Variants in IQGAP2 observed in about 807,000 individuals in gnomAD.
IQGAP2 encodes ras GTPase-activating-like protein IQGAP2.
A neutral mutation model predicts 201.3 loss-of-function variants in IQGAP2; 173 were observed. That is an observed-to-expected ratio of 0.86 (90% CI 0.76 to 0.98). The LOEUF (loss-of-function observed/expected upper bound fraction) is 0.98, where lower values mean the gene tolerates loss of function less well. Among genes scored for constraint, IQGAP2 ranks in the 50% least tolerant of loss-of-function variants. The probability of loss-of-function intolerance (pLI) is 0.00; values close to 1 mark genes in which losing one functional copy is unlikely to be tolerated. For missense variants in IQGAP2, 1,687 were observed against 1,864.8 expected (o/e 0.90, Z 1.76); for synonymous variants, 675 against 673.9 (o/e 1.00, Z -0.03).
intron 1 of IQGAP2, among the ~76,000 whole-genome samples, chr5:76,420,943 C>T (rs1751699857): frequency 6.6e-6 from 1 of 152,184 alleles, no homozygotes; most frequent in African/African-American, 2.4e-5. Context: ...ATTGTAGGTA[C>T]AGGCCACATT....
rs770794561 is a variant in IQGAP2 at position 76,604,169 on chromosome 5, CCCCT to C, written c.1233-2005_1233-2002del. 5.9e-5 allele frequency among the ~76,000 whole-genome samples: 9 copies of C among 152,048 alleles called. No individual in the cohort carries two copies. The East Asian group carries it at 1.5e-3, about 26-fold the overall frequency. On this transcript the variant is annotated intron_variant, in intron 11 of 35. Transcript: ENST00000274364. ...ACATGCCTCGGTGTATGTTGTTGTT[CCCCT>C]CCCTGTGACCACATGTTCTCATTGT... is the stretch of plus-strand genomic sequence containing the variant.
chr5:76,459,742 G>A (rs758865012), intron 1 of IQGAP2, among the ~76,000 whole-genome samples: 2 of 152,058 alleles, frequency 1.3e-5, no homozygotes, highest in African/African-American at 4.8e-5. Context: ...GGGTTGAAGC[G>A]ATTCTCCTGC....
intron 2 of IQGAP2, among the ~76,000 whole-genome samples, chr5:76,539,090 C>T (rs1178979517): frequency 6.6e-6 from 1 of 152,190 alleles, no homozygotes; most frequent in African/African-American, 2.4e-5. Flanking sequence ...CCCCATCAGG[C>T]TTCAACTCCT....
At chr5:76,529,447 G>A (rs2150204886) in intron 2 of IQGAP2, among the ~76,000 whole-genome samples, 1 of 152,098 alleles carries the variant, frequency 6.6e-6, no homozygotes, top group Middle Eastern at 3.4e-3. Flanking sequence ...GGCCAACATG[G>A]TGAAACCCCA....
chr5:76,422,586 A>G (rs1751785649), intron 1 of IQGAP2, among the ~76,000 whole-genome samples: 1 of 152,240 alleles, frequency 6.6e-6, no homozygotes. Context: ...AGGAGAGCCT[A>G]GTAAATTTTG....
intron 1 of IQGAP2, among the ~76,000 whole-genome samples, chr5:76,404,187 C>A (rs546190829): frequency 6.6e-6 from 1 of 152,170 alleles, no homozygotes; most frequent in Non-Finnish European, 1.5e-5. Flanking sequence ...CCTTTCCCCC[C>A]CGCTCCCCTC....
rs561067947 is a variant in IQGAP2 at position 76,577,618 on chromosome 5, T to A, written c.458+1849T>A. 2.8e-3 allele frequency among the ~76,000 whole-genome samples: 434 copies of A among 152,348 alleles called. 4 individuals are homozygous for A. The highest frequency in any genetic ancestry group is 0.01 in the African/African-American group (418 of 41,580). ...CTATGGAGCCGAGAAGTCCCAAGTG[T>A]ATCTTGCAGCTTTTTCCACCAAAAC... On this transcript the variant is annotated intron_variant, in intron 5 of 35. Coordinates refer to ENST00000274364, the MANE Select transcript of IQGAP2 (RefSeq NM_006633.5).
chr5:76,570,698 G>A (rs1173804656), intron 4 of IQGAP2, 41 bp downstream of exon 4: 6 of 1,304,340 alleles, frequency 4.6e-6, no homozygotes, highest in Non-Finnish European at 6.7e-6. Context: ...GAAAGGCAAA[G>A]GGGTAGTACA....
intron 5 of IQGAP2, among the ~76,000 whole-genome samples, chr5:76,586,357 A>G: frequency 6.6e-6 from 1 of 152,222 alleles, no homozygotes. Context: ...GTAAAAAAAA[A>G]AAAAATGTTC....
At chr5:76,463,074 G>C (rs562314670) in intron 2 of IQGAP2, among the ~76,000 whole-genome samples, 1 of 139,704 alleles carries the variant, frequency 7.2e-6, no homozygotes, top group African/African-American at 2.7e-5. Flanking sequence ...AGTGAGCTGA[G>C]ATCGGGCTGC....
rs199507670 is a variant in IQGAP2 at position 76,600,827 on chromosome 5, G to A, written c.1087G>A (p.Glu363Lys). Residue 363 changes from glutamate to lysine, a missense_variant, in exon 11 of 36, where the codon GAG becomes AAG. Physicochemically the swap from Glu to Lys is moderately conservative, Grantham distance 56. Transcript: ENST00000274364. ...KQNTMNYLAH[E>K]ELLIAVEMLS... Reference sequence around the variant, plus strand: ...TTTCCAACAGAACTACTTGGCCCACGAGGAGCTTTTGATTGCTGTGGAAAT... The same window carrying A: ...TTTCCAACAGAACTACTTGGCCCACAAGGAGCTTTTGATTGCTGTGGAAAT... The A allele has an allele frequency of 1.9e-5, 31 of 1,614,072 alleles. No individual in the cohort carries two copies. The highest frequency in any genetic ancestry group is 6.6e-5 in the South Asian group (6 of 91,072).
At chr5:76,696,427 ATC>A (rs1487391256) in intron 32 of IQGAP2, among the ~76,000 whole-genome samples, 3 of 152,320 alleles carry the variant, frequency 2.0e-5, no homozygotes, top group African/African-American at 7.2e-5. Context: ...TGAGCAAAGG[ATC>A]TCAACTTAGT....
chr5:76,641,462 G>A lies in IQGAP2; in HGVS notation c.2094+359G>A, dbSNP rs145387074. Among the ~76,000 whole-genome samples, 342 of 152,270 alleles carry A rather than the reference G, an allele frequency of 2.2e-3. 1 individual carries two copies. Among genetic ancestry groups the A allele is most frequent in the African/African-American group, 7.9e-3 (329 of 41,542 alleles). ...TTGTGGTTAGTAGATGTTGAGTGGC[G>A]TCTTAGTTTCTGTGCTGTTCTAGCC... On this transcript the variant is annotated intron_variant, in intron 17 of 35. Transcript: ENST00000274364.
intron 2 of IQGAP2, among the ~76,000 whole-genome samples, chr5:76,502,441 A>G (rs949850414): frequency 2.6e-4 from 39 of 152,192 alleles, no homozygotes; most frequent in African/African-American, 7.7e-4. Context: ...GTAAAACACT[A>G]CTGGGATTTT....
At chr5:76,622,884 C>T (rs1029682789) in intron 13 of IQGAP2, among the ~76,000 whole-genome samples, 1 of 152,120 alleles carries the variant, frequency 6.6e-6, no homozygotes, top group Non-Finnish European at 1.5e-5. Flanking sequence ...AACACAAAAA[C>T]GACTTTCAAA....
At chr5:76,659,515 C>T (rs149412094) in intron 21 of IQGAP2, among the ~76,000 whole-genome samples, 2 of 152,214 alleles carry the variant, frequency 1.3e-5, no homozygotes, top group African/African-American at 4.8e-5. Context: ...GTAGTCTCCA[C>T]CCAATTTACA....
chr5:76,478,371 AGC>A (rs1219179929), intron 2 of IQGAP2, among the ~76,000 whole-genome samples: 4 of 152,254 alleles, frequency 2.6e-5, no homozygotes. Flanking sequence ...ACTGCACTTC[AGC>A]CTAGGAGACA....
At chr5:76,432,878 A>T (rs1175294481) in intron 1 of IQGAP2, among the ~76,000 whole-genome samples, 1 of 152,190 alleles carries the variant, frequency 6.6e-6, no homozygotes, top group Non-Finnish European at 1.5e-5. Flanking sequence ...ACCATTATGG[A>T]TCACATATGG....
chr5:76,594,951 G>A (rs543207269), intron 9 of IQGAP2, among the ~76,000 whole-genome samples: 66 of 150,404 alleles, frequency 4.4e-4, no homozygotes, highest in African/African-American at 1.6e-3. Context: ...GGATGATAGT[G>A]TGAGACTCCA....
Sources: allele counts gnomAD v4.1 joint callset (sites outside exome capture counted in the v4.1 genomes callset), GRCh38; gene constraint gnomAD v4.1.1; transcripts MANE v1.5; gene names NCBI Gene and HGNC (gene_info 2026-07-23, HGNC 2026-07-21).